RNF220: variants seen among roughly 807,000 people sequenced by gnomAD.
RNF220 encodes E3 ubiquitin-protein ligase RNF220.
RNF220 carries 7 observed loss-of-function variants against 67.1 expected under a neutral mutation model. The observed-to-expected ratio is 0.10, with a 90% CI of 0.06 to 0.20. The LOEUF is 0.20. Among genes scored for constraint, RNF220 ranks in the 10% least tolerant of loss-of-function variants. RNF220 has a pLI of 1.00. For missense variants in RNF220, 565 were observed against 740.3 expected (o/e 0.76, Z 2.75); for synonymous variants, 270 against 283.2 (o/e 0.95, Z 0.47).
intron 12 of RNF220, among the ~76,000 whole-genome samples, chr1:44,647,702 C>T (rs996995169): frequency 9.9e-5 from 15 of 152,110 alleles, no homozygotes; most frequent in African/African-American, 3.6e-4. Context: ...GAAATGGGAC[C>T]ACTACCCTCC....
At chr1:44,566,770 G>A (rs372212042) in intron 2 of RNF220, among the ~76,000 whole-genome samples, 5 of 152,186 alleles carry the variant, frequency 3.3e-5, no homozygotes, top group African/African-American at 1.2e-4. Context: ...AAAGACCTCT[G>A]GAGGCTGGGA....
chr1:44,413,292 G>A (rs1194134369), intron 2 of RNF220, among the ~76,000 whole-genome samples: 2 of 152,136 alleles, frequency 1.3e-5, no homozygotes, highest in South Asian at 2.1e-4. Flanking sequence ...TTTTCCTTGC[G>A]ATCGCAAGGC....
Position 44,575,479 on chromosome 1 carries a change from G to T in RNF220, c.626-38686G>T, listed in dbSNP as rs539474552. On this transcript the variant is annotated intron_variant, in intron 2 of 14. Coordinates refer to ENST00000361799, the MANE Select transcript of RNF220 (RefSeq NM_018150.4). ...TGCAATAAACATGGGAGTCAAGTAC[G>T]GTGGGCAAAGGACATGAACAGACAT... Among the ~76,000 whole-genome samples, 54 of 152,180 alleles carry T rather than the reference G, an allele frequency of 3.5e-4. 1 individual carries two copies. The highest frequency in any genetic ancestry group is 1.3e-3 in the African/African-American group (52 of 41,530).
At chr1:44,637,830 TGAGA>T (rs1446402675) in intron 8 of RNF220, among the ~76,000 whole-genome samples, 1 of 152,112 alleles carries the variant, frequency 6.6e-6, no homozygotes, top group Admixed American at 6.5e-5. Flanking sequence ...AGAGCGAGAA[TGAGA>T]GTGAGACTTG....
chr1:44,484,479 G>T (rs1656103080), intron 2 of RNF220, among the ~76,000 whole-genome samples: 1 of 152,052 alleles, frequency 6.6e-6, no homozygotes, highest in Admixed American at 6.5e-5. Flanking sequence ...GAGCACCAGT[G>T]AGTACGAAGG....
At chr1:44,479,456 A>G (rs1393793670) in intron 2 of RNF220, among the ~76,000 whole-genome samples, 1 of 152,006 alleles carries the variant, frequency 6.6e-6, no homozygotes, top group Non-Finnish European at 1.5e-5. Flanking sequence ...CATCAACTCT[A>G]TGTACCACAA....
At chr1:44,406,734 T>C (rs901158368) in intron 1 of RNF220, among the ~76,000 whole-genome samples, 1 of 147,744 alleles carries the variant, frequency 6.8e-6, no homozygotes, top group South Asian at 2.4e-4. Flanking sequence ...GCCTGGGCGT[T>C]TCGCCTTTGT....
chr1:44,636,602 C>T (rs912148029), intron 8 of RNF220: 6 of 611,752 alleles, frequency 9.8e-6, no homozygotes, highest in East Asian at 8.4e-5. Flanking sequence ...TTTTCCTCCT[C>T]CTCCTCTTCA....
chr1:44,622,846 T>G lies in RNF220; in HGVS notation c.804+59T>G. 1.4e-6 allele frequency: 2 copies of G among 1,452,706 alleles called. No homozygotes were observed. Among genetic ancestry groups the G allele is most frequent in the Non-Finnish European group, 1.9e-6 (2 of 1,037,920 alleles). 90.0% of individuals were successfully genotyped at this position (1,452,706 alleles called of 1,614,324 possible). A position where few individuals can be genotyped will look rare whatever the true frequency, so the allele number is the denominator to read the frequency against. On this transcript the variant is annotated intron_variant, in intron 4 of 14. Transcript: ENST00000361799. This position sits in a 1 kb window ranked among gnomAD's most constrained non-coding sequence, Gnocchi z 4.3. ...ATACTAACCTAGGCCTACCCAGAAC[T>G]GGTTCCTCCTGAGAAAAAGGAGCTT... is the stretch of plus-strand genomic sequence containing the variant.
rs533198067 is a variant in RNF220, at chr1:44,469,866, A to G, written c.625+57144A>G. ...GATAGTGACAAGCACTAGGTTGAAA[A>G]AGACTGAAAATAGTATGAAAGTATA... On this transcript the variant is annotated intron_variant, in intron 2 of 14. Transcript: ENST00000361799. 8.5e-5 allele frequency among the ~76,000 whole-genome samples: 13 copies of G among 152,356 alleles called. No individual in the cohort carries two copies. In the South Asian group the frequency reaches 2.7e-3, roughly 32 times the overall value.
chr1:44,511,896 A>T (rs1232824981), intron 2 of RNF220, among the ~76,000 whole-genome samples: 1 of 133,866 alleles, frequency 7.5e-6, no homozygotes, highest in African/African-American at 3.0e-5. Context: ...AGGAAAGTAA[A>T]ATTGAGAAGC....
Position 44,575,759 on chromosome 1 carries a change from A to G in RNF220, c.626-38406A>G, listed in dbSNP as rs183722725. On this transcript the variant is annotated intron_variant, in intron 2 of 14. Transcript: ENST00000361799. Reference sequence around the variant, plus strand: ...GATATGGAGATTCTCAAAAAACTGAAAATAGAACTACCTTGCAATTCAACA... The same window carrying G: ...GATATGGAGATTCTCAAAAAACTGAGAATAGAACTACCTTGCAATTCAACA... 1.1e-4 allele frequency among the ~76,000 whole-genome samples: 17 copies of G among 152,368 alleles called. No homozygotes were observed. In the East Asian group the frequency reaches 2.7e-3, roughly 24 times the overall value.
At position 44,447,071 on chromosome 1, in the gene RNF220, T is replaced by C. The variant is rs1161724153; in HGVS notation, c.625+34349T>C. On this transcript the variant is annotated intron_variant, in intron 2 of 14. Transcript: ENST00000361799. ...AGTGATAACCTTGATCTGCTCCACA[T>C]TTTATTTCCTAAAAAAGCAAATCAT... Among the ~76,000 whole-genome samples, 8 of 152,240 alleles carry C rather than the reference T, an allele frequency of 5.3e-5. No homozygotes were observed. In the East Asian group the frequency reaches 1.5e-3, roughly 29 times the overall value.
chr1:44,545,411 ATCC>A (rs1662049005), intron 2 of RNF220: 1 of 154,194 alleles, frequency 6.5e-6, no homozygotes, highest in South Asian at 2.0e-4. Flanking sequence ...ATCTAATTTT[ATCC>A]TCAGGCACTC....
At chr1:44,647,013 T>G (rs1280880348) in intron 12 of RNF220, among the ~76,000 whole-genome samples, 4 of 152,178 alleles carry the variant, frequency 2.6e-5, no homozygotes, top group Admixed American at 6.5e-5. Context: ...CTTGGGTATT[T>G]CGCCAGAGCC....
chr1:44,427,715 C>T (rs1424598961), intron 2 of RNF220, among the ~76,000 whole-genome samples: 5 of 152,154 alleles, frequency 3.3e-5, no homozygotes, highest in African/African-American at 9.7e-5. Context: ...GCCTCCATTT[C>T]CTCAGGATAA....
intron 2 of RNF220, among the ~76,000 whole-genome samples, chr1:44,460,368 A>G (rs894429144): frequency 4.6e-5 from 7 of 152,194 alleles, no homozygotes; most frequent in Non-Finnish European, 1.0e-4. Context: ...ATCCTCTAAC[A>G]CCTGGTACCT....
At chr1:44,533,105 T>A (rs2148196409) in intron 2 of RNF220, among the ~76,000 whole-genome samples, 1 of 152,302 alleles carries the variant, frequency 6.6e-6, no homozygotes, top group East Asian at 1.9e-4. Context: ...CTCTTTGGTC[T>A]TGGAAAGAAC....
chr1:44,543,240 C>T (rs1661824114), intron 2 of RNF220, among the ~76,000 whole-genome samples: 3 of 152,108 alleles, frequency 2.0e-5, no homozygotes, highest in Admixed American at 2.0e-4. Flanking sequence ...TCCCCCTTCC[C>T]TCCGGTTGAG....
Sources: gnomAD v4.1 joint callset for allele counts (sites outside exome capture counted in the v4.1 genomes callset) on GRCh38, gnomAD v4.1.1 for gene constraint, Gnocchi (gnomAD v3.1) non-coding constraint, MANE v1.5 for transcripts, NCBI Gene and HGNC (gene_info 2026-07-23, HGNC 2026-07-21) for gene names.